The following COL15A1 variants were observed in gnomAD, a reference collection of about 807,000 sequenced individuals.
COL15A1 encodes the protein collagen type XV alpha 1 chain.
A neutral mutation model predicts 165.9 loss-of-function variants in COL15A1; 111 were observed. That is an observed-to-expected ratio of 0.67 (90% confidence interval 0.57 to 0.78). The LOEUF (loss-of-function observed/expected upper bound fraction) is 0.78, where lower values mean the gene tolerates loss of function less well. Ranked by LOEUF, COL15A1 falls within the 30% of genes least tolerant of loss-of-function variation. COL15A1 has a pLI of 0.00. For missense variants in COL15A1, 1,745 were observed against 1,789.7 expected (o/e 0.98, Z 0.45); for synonymous variants, 659 against 674.8 (o/e 0.98, Z 0.36).
intron 5 of COL15A1, among the ~76,000 whole-genome samples, chr9:98,992,754 A>T (rs1838466298): frequency 6.6e-6 from 1 of 152,182 alleles, no homozygotes; most frequent in African/African-American, 2.4e-5. Context: ...AATGCCCAGG[A>T]GGTGGGGTGC....
chr9:99,008,381 A>G (rs1053351869), intron 9 of COL15A1, among the ~76,000 whole-genome samples: 3 of 152,178 alleles, frequency 2.0e-5, no homozygotes, highest in African/African-American at 7.2e-5. Flanking sequence ...GGCTCTATAA[A>G]TCAACTTTGG....
chr9:99,060,675 T>TAGGAGTTC (rs1186334684), intron 36 of COL15A1, among the ~76,000 whole-genome samples: 4 of 152,082 alleles, frequency 2.6e-5, no homozygotes, highest in Non-Finnish European at 5.9e-5. Flanking sequence ...CACTTGAGTC[T>TAGGAGTTC]AGGAGTTCAA....
At chr9:98,967,569 G>C (rs866359370) in intron 2 of COL15A1, among the ~76,000 whole-genome samples, 1 of 152,198 alleles carries the variant, frequency 6.6e-6, no homozygotes, top group Non-Finnish European at 1.5e-5. Flanking sequence ...TGATTCAGGG[G>C]ACTTAGCATC....
At chr9:98,991,930 G>A (rs541114246) in intron 5 of COL15A1, among the ~76,000 whole-genome samples, 3 of 152,342 alleles carry the variant, frequency 2.0e-5, no homozygotes, top group African/African-American at 7.2e-5. Context: ...TAGACACAGA[G>A]CACTGATTGG....
At chr9:99,056,502 G>C (rs1255101363) in intron 35 of COL15A1, 98 bp downstream of exon 35, 5 of 1,471,614 alleles carry the variant, frequency 3.4e-6, no homozygotes, top group South Asian at 1.4e-5. Flanking sequence ...CTGCCTAACA[G>C]AGGGCTTTCC....
Position 98,956,845 on chromosome 9 carries a change from A to G in COL15A1, c.100+12595A>G, listed in dbSNP as rs114200346. Among the ~76,000 whole-genome samples, 472 of 152,318 alleles carry G rather than the reference A, an allele frequency of 3.1e-3. 2 individuals carry two copies. The highest frequency in any genetic ancestry group is 0.011 in the African/African-American group (458 of 41,562). On this transcript the variant is annotated intron_variant, in intron 2 of 41. Transcript: ENST00000375001. Reference sequence around the variant, plus strand: ...CTCATAAATCAGAATCACACCATCTAGGGGACTGAGGATAGCATTTTAACA... The same window carrying G: ...CTCATAAATCAGAATCACACCATCTGGGGGACTGAGGATAGCATTTTAACA...
At chr9:98,968,804 C>CAGGGGCGGGGCA (rs1187417132) in intron 2 of COL15A1, among the ~76,000 whole-genome samples, 3 of 150,704 alleles carry the variant, frequency 2.0e-5, no homozygotes, top group African/African-American at 7.3e-5. Flanking sequence ...TGCCTGGGGG[C>CAGGGGCGGGGCA]GGGGGCGGGG....
chr9:99,055,861 G>T (rs995487186), intron 34 of COL15A1, among the ~76,000 whole-genome samples: 19 of 152,332 alleles, frequency 1.2e-4, no homozygotes, highest in Admixed American at 9.1e-4. Flanking sequence ...ATTGACCTTT[G>T]GTCCCAGAGC....
At chr9:99,065,345 G>T (rs1489713099) in intron 39 of COL15A1, among the ~76,000 whole-genome samples, 2 of 152,114 alleles carry the variant, frequency 1.3e-5, no homozygotes, top group Non-Finnish European at 2.9e-5. Flanking sequence ...AAGCACACTG[G>T]TTGGAAGATG....
intron 2 of COL15A1, among the ~76,000 whole-genome samples, chr9:98,970,282 C>T (rs560760326): frequency 4.1e-4 from 62 of 152,324 alleles, no homozygotes; most frequent in African/African-American, 1.4e-3. Flanking sequence ...TATTTATGTA[C>T]TATTTCTAGA....
At chr9:99,054,468 A>G in intron 31 of COL15A1, 108 bp from the exon 32 acceptor site, 2 of 1,215,292 alleles carry the variant, frequency 1.6e-6, no homozygotes, top group Non-Finnish European at 2.3e-6. Flanking sequence ...GCTTTGTTTG[A>G]GTGGACTTTG....
At chr9:99,033,500 C>A (rs188901938) in intron 16 of COL15A1, among the ~76,000 whole-genome samples, 209 of 152,356 alleles carry the variant, frequency 1.4e-3, no homozygotes, top group African/African-American at 4.9e-3. Context: ...ACTTCCATCA[C>A]AGCTTCACAG....
At chr9:99,047,746 T>G (rs756490931) in intron 26 of COL15A1, 40 bp from the exon 27 acceptor site, 5 of 1,608,606 alleles carry the variant, frequency 3.1e-6, no homozygotes, top group Non-Finnish European at 3.4e-6. Context: ...GAACCAAGAC[T>G]TTCTGTTCTT....
rs1838299195 is a variant in COL15A1 at position 98,985,724 on chromosome 9, T to A, written c.260T>A (p.Phe87Tyr). 1.2e-6 allele frequency: 2 copies of A among 1,614,114 alleles called. No homozygotes were observed. The highest frequency in any genetic ancestry group is 1.7e-5 in the Admixed American group (1 of 60,014). Residue 87 changes from phenylalanine (F) to tyrosine (Y), a missense_variant, in exon 3 of 42, where the codon TTC becomes TAC. Phe to Tyr is a conservative substitution (Grantham distance 22). Transcript: ENST00000375001. The stretch of plus-strand genomic sequence containing the variant: ...GCCAGGACTCTCATCCCATCCACCT[T>A]CTTCAGGGACTTCGCCATCAGCGTC... The part of the protein sequence containing the change: ...RPARTLIPST[F>Y]FRDFAISVVV...
intron 6 of COL15A1, among the ~76,000 whole-genome samples, chr9:98,997,428 T>C (rs1307001250): frequency 2.0e-5 from 3 of 152,226 alleles, no homozygotes; most frequent in Non-Finnish European, 4.4e-5. Context: ...GTTGAATACC[T>C]ACAGTGTGCC....
intron 39 of COL15A1, among the ~76,000 whole-genome samples, 163 bp from the exon 40 acceptor site, chr9:99,066,719 G>A (rs1277522080): frequency 6.7e-6 from 1 of 148,866 alleles, no homozygotes; most frequent in Non-Finnish European, 1.5e-5. Context: ...GAAATGGTCA[G>A]GCAGAGACTG....
intron 2 of COL15A1, among the ~76,000 whole-genome samples, chr9:98,977,253 G>A (rs150237131): frequency 3.1e-4 from 47 of 152,268 alleles, no homozygotes; most frequent in Non-Finnish European, 5.0e-4. Context: ...CATGCTCCAC[G>A]CCAGTCCCCA....
At chr9:99,035,979 G>T (rs894775758) in intron 19 of COL15A1, among the ~76,000 whole-genome samples, 191 bp from the exon 20 acceptor site, 4 of 152,130 alleles carry the variant, frequency 2.6e-5, no homozygotes, top group Non-Finnish European at 5.9e-5. Flanking sequence ...CTGGGAGAGG[G>T]CCGCTGATTC....
intron 2 of COL15A1, among the ~76,000 whole-genome samples, chr9:98,976,350 GTC>G (rs1838142077): frequency 6.6e-6 from 1 of 152,252 alleles, no homozygotes; most frequent in African/African-American, 2.4e-5. Flanking sequence ...GGCTCTGAGA[GTC>G]TATCTGGTCT....
Sources: gnomAD v4.1 joint callset for allele counts (sites outside exome capture counted in the v4.1 genomes callset) on GRCh38, gnomAD v4.1.1 for gene constraint, MANE v1.5 for transcripts, NCBI Gene and HGNC (gene_info 2026-07-23, HGNC 2026-07-21) for gene names.